Variants in GPR83 observed in about 807,000 individuals in gnomAD.
GPR83 encodes G-protein coupled receptor 72.
In GPR83, 23 loss-of-function variants were observed where a neutral mutation model predicts 28.0. The ratio of observed to expected loss-of-function variants is 0.82; its 90% CI spans 0.59 to 1.16. GPR83 has a LOEUF of 1.16. GPR83 is among the 50% of genes most tolerant of loss of function. The pLI is 0.00. For missense variants in GPR83, 610 were observed against 536.6 expected, an observed-to-expected ratio of 1.14 and a Z score of -1.35; for synonymous variants, 234 against 215.4, an observed-to-expected ratio of 1.09 and a Z score of -0.76.
intron 2 of GPR83, among the ~76,000 whole-genome samples, chr11:94,394,647 A>G (rs1944849325): frequency 6.6e-6 from 1 of 151,878 alleles, no homozygotes; most frequent in Non-Finnish European, 1.5e-5. Context: ...AATTCCTCCC[A>G]ATGTTTTCAA....
intron 3 of GPR83, among the ~76,000 whole-genome samples, chr11:94,381,372 C>T (rs1370236608): frequency 6.6e-6 from 1 of 151,846 alleles, no homozygotes; most frequent in Non-Finnish European, 1.5e-5. Flanking sequence ...ACTTCCTTTG[C>T]TTTTTTTAGG....
rs267603253 is a variant in GPR83 at position 94,380,173 on chromosome 11, C to T, written c.1248G>A (p.Val416=). ...LQSGKTDLSS[V]EPIVTMS Reference sequence around the variant, plus strand: ...TCTAACTCATCGTCACAATGGGTTCCACAGATGACAGGTCTGTCTTCCCAG... The same window carrying T: ...TCTAACTCATCGTCACAATGGGTTCTACAGATGACAGGTCTGTCTTCCCAG... Residue 416 remains valine (V), a synonymous_variant, in exon 4 of 4, where the codon GTG becomes GTA. Coordinates refer to ENST00000243673, the MANE Select transcript of GPR83 (RefSeq NM_016540.4). The T allele has an allele frequency of 2.0e-6, 3 of 1,516,334 alleles. No homozygotes were observed. Among genetic ancestry groups the T allele is most frequent in the Non-Finnish European group, 2.6e-6 (3 of 1,133,570 alleles). The allele number at this position is 1,516,334 out of a possible 1,614,324, so 93.9% of individuals were successfully genotyped here.
intron 3 of GPR83, among the ~76,000 whole-genome samples, chr11:94,393,257 G>C (rs1447445583): frequency 6.6e-6 from 1 of 152,190 alleles, no homozygotes; most frequent in Non-Finnish European, 1.5e-5. Context: ...AGAGAACCCG[G>C]AAAGAGAATA....
chr11:94,381,025 C>A (rs1379809236), intron 3 of GPR83, among the ~76,000 whole-genome samples: 1 of 152,098 alleles, frequency 6.6e-6, no homozygotes, highest in Non-Finnish European at 1.5e-5. Context: ...CAATTCCTAG[C>A]CCACAGTAGA....
intron 3 of GPR83, among the ~76,000 whole-genome samples, chr11:94,386,140 G>A (rs1944752718): frequency 6.6e-6 from 1 of 152,098 alleles, no homozygotes; most frequent in African/African-American, 2.4e-5. Flanking sequence ...TTACAGATAA[G>A]CAAATGCTGA....
intron 1 of GPR83, among the ~76,000 whole-genome samples, chr11:94,397,847 T>C (rs1047972523): frequency 1.3e-5 from 2 of 152,180 alleles, no homozygotes; most frequent in Non-Finnish European, 2.9e-5. Context: ...TTGGCTTGTC[T>C]GGAGTGTGTG....
At chr11:94,386,058 A>G (rs1438503590) in intron 3 of GPR83, among the ~76,000 whole-genome samples, 1 of 152,216 alleles carries the variant, frequency 6.6e-6, no homozygotes, top group Non-Finnish European at 1.5e-5. Context: ...ACTCTTAAAG[A>G]AAAGAATTTT....
At chr11:94,392,171 C>G (rs527413430) in intron 3 of GPR83, among the ~76,000 whole-genome samples, 15 of 151,972 alleles carry the variant, frequency 9.9e-5, no homozygotes, top group Non-Finnish European at 1.6e-4. Context: ...ATGTCCTTTG[C>G]GGGGACATGG....
chr11:94,401,032 G>T lies in GPR83; in HGVS notation c.216C>A (p.Ala72=). 1 of 1,614,166 alleles carries T rather than the reference G, an allele frequency of 6.2e-7. No homozygotes were observed. Among genetic ancestry groups the T allele is most frequent in the Non-Finnish European group, 8.5e-7 (1 of 1,179,952 alleles). The change falls in exon 1 of 4, where the codon GCC becomes GCA. Residue 72 remains alanine, a synonymous_variant. Coordinates refer to ENST00000243673, the MANE Select transcript of GPR83 (RefSeq NM_016540.4). ...TGAAGGAGTAAGCCACAATGAGCAGGGCTTTCACCGTGGGGTTCTGGGACT... is the reference window on the plus strand; with the variant it reads ...TGAAGGAGTAAGCCACAATGAGCAGTGCTTTCACCGTGGGGTTCTGGGACT... ...GAESQNPTVK[A]LLIVAYSFII...
At chr11:94,385,860 A>G (rs1372937481) in intron 3 of GPR83, among the ~76,000 whole-genome samples, 1 of 152,202 alleles carries the variant, frequency 6.6e-6, no homozygotes, top group East Asian at 1.9e-4. Context: ...CCACAAAAGT[A>G]CTGCTCAAGA....
intron 3 of GPR83, among the ~76,000 whole-genome samples, chr11:94,392,378 C>T (rs1032971434): frequency 2.6e-5 from 4 of 151,952 alleles, no homozygotes; most frequent in East Asian, 1.9e-4. Flanking sequence ...ATGTAGGTGA[C>T]GGTTTGATGG....
At chr11:94,388,498 C>T (rs1944782225) in intron 3 of GPR83, among the ~76,000 whole-genome samples, 1 of 152,080 alleles carries the variant, frequency 6.6e-6, no homozygotes, top group South Asian at 2.1e-4. Flanking sequence ...AATCAATGTG[C>T]AAAAATCACA....
intron 2 of GPR83, among the ~76,000 whole-genome samples, chr11:94,395,083 C>T (rs376439396): frequency 6.6e-6 from 1 of 152,312 alleles, no homozygotes. Flanking sequence ...TTGATTCTTA[C>T]AAAATTCTGG....
At chr11:94,386,838 C>T (rs954187881) in intron 3 of GPR83, among the ~76,000 whole-genome samples, 2 of 152,184 alleles carry the variant, frequency 1.3e-5, no homozygotes, top group African/African-American at 4.8e-5. Flanking sequence ...TAATAGACAT[C>T]TACAGAACTC....
intron 2 of GPR83, among the ~76,000 whole-genome samples, chr11:94,395,573 G>A (rs1056567895): frequency 7.9e-5 from 12 of 152,196 alleles, no homozygotes; most frequent in African/African-American, 2.4e-4. Flanking sequence ...ATAATTCAGC[G>A]TAGGTCTAAG....
In GPR83 at chr11:94,378,149, T is replaced by G. The variant is rs1393800846; in HGVS notation, c.*2000A>C. The G allele has an allele frequency of 6.6e-6, 1 of 152,052 alleles. No homozygotes were observed. The highest frequency in any genetic ancestry group is 1.5e-5 in the Non-Finnish European group (1 of 67,990). The allele number at this position is 152,052 out of a possible 1,614,324, so 9.4% of individuals were successfully genotyped here. A position where few individuals can be genotyped will look rare whatever the true frequency, so the allele number is the denominator to read the frequency against. On this transcript the variant is annotated 3_prime_UTR_variant, in exon 4 of 4. Transcript: ENST00000243673. ...TCTGTCTGCCCAATGAAAGTCATGG[T>G]TTTGCCCATAATTCAGTGAGTTTTC...
chr11:94,386,749 T>A (rs1944761239), intron 3 of GPR83, among the ~76,000 whole-genome samples: 1 of 152,174 alleles, frequency 6.6e-6, no homozygotes, highest in Admixed American at 6.5e-5. Flanking sequence ...CACCACATTG[T>A]CAACATTACA....
chr11:94,378,614 C>A lies in GPR83; in HGVS notation c.*1535G>T, dbSNP rs975028929. On this transcript the variant is annotated 3_prime_UTR_variant, in exon 4 of 4. Coordinates refer to ENST00000243673, the MANE Select transcript of GPR83 (RefSeq NM_016540.4). ...TAAGTTTCTGTAAGTGAAAGTTACA[C>A]CTGAACCACCAAAATGATGTTGACA... 8 of 152,552 alleles carry A rather than the reference C, an allele frequency of 5.2e-5. No individual in the cohort carries two copies. Among genetic ancestry groups the A allele is most frequent in the African/African-American group, 1.7e-4 (7 of 41,426 alleles). The allele number at this position is 152,552 out of a possible 1,614,324, so 9.4% of individuals were successfully genotyped here.
intron 1 of GPR83, among the ~76,000 whole-genome samples, chr11:94,396,782 T>C (rs572705130): frequency 2.7e-4 from 41 of 151,650 alleles, no homozygotes; most frequent in Admixed American, 2.7e-3. Context: ...ATGTGTGCTA[T>C]GGAGTTGGAC....
Sources: gnomAD v4.1 joint callset for allele counts (sites outside exome capture counted in the v4.1 genomes callset) on GRCh38, gnomAD v4.1.1 for gene constraint, MANE v1.5 for transcripts, NCBI Gene and HGNC (gene_info 2026-07-23, HGNC 2026-07-21) for gene names.